The following SLC9A7 variants were observed in gnomAD, a reference collection of about 807,000 sequenced individuals.
SLC9A7 encodes sodium/hydrogen exchanger 7.
In SLC9A7, 19 loss-of-function variants were observed where a neutral mutation model predicts 52.6. The ratio of observed to expected loss-of-function variants is 0.36; its 90% CI spans 0.25 to 0.53. The LOEUF (loss-of-function observed/expected upper bound fraction) is 0.53. Among genes scored for constraint, SLC9A7 ranks in the 20% least tolerant of loss-of-function variants. The pLI, the probability that SLC9A7 is intolerant of heterozygous loss-of-function variation, is 0.91. For missense variants in SLC9A7, 455 were observed against 597.9 expected, an observed-to-expected ratio of 0.76 and a Z score of 2.49; for synonymous variants, 226 against 252.1, an observed-to-expected ratio of 0.90 and a Z score of 0.98.
chrX:46,653,182 G>A (rs1282255681), intron 8 of SLC9A7, among the ~76,000 whole-genome samples: 1 of 111,318 alleles, frequency 9.0e-6, no homozygotes, highest in Non-Finnish European at 1.9e-5. Context: ...TTCACTTAAG[G>A]TCAGGAGTTT....
At chrX:46,640,522 G>A (rs2146750147) in intron 12 of SLC9A7, among the ~76,000 whole-genome samples, 1 of 111,358 alleles carries the variant, frequency 9.0e-6, no homozygotes, top group East Asian at 2.8e-4. Context: ...CCAAATGCAT[G>A]ACCCATAAAA....
At position 46,745,475 on chromosome X, in the gene SLC9A7, T is replaced by TGGC. The variant is rs1274855763; in HGVS notation, c.325+13229_325+13230insGCC. On this transcript the variant is annotated intron_variant, in intron 1 of 16. Coordinates refer to ENST00000616978, the MANE Select transcript of SLC9A7 (RefSeq NM_001257291.2). ...GTATGGGCCATTCAAAGGAAAAAAA[T>TGGC]TGATAGAAACTATCCCTGAGGAGGC... Among the ~76,000 whole-genome samples the TGGC allele has an allele frequency of 2.9e-4, 32 of 111,885 alleles. No homozygotes were observed. The South Asian group carries it at 0.012, about 41-fold the overall frequency.
intron 5 of SLC9A7, among the ~76,000 whole-genome samples, chrX:46,665,447 G>T (rs1306580917): frequency 9.3e-6 from 1 of 108,072 alleles, no homozygotes; most frequent in Non-Finnish European, 1.9e-5. Context: ...AACTCAAAGA[G>T]CTGAGGGAGC....
intron 11 of SLC9A7, among the ~76,000 whole-genome samples, chrX:46,648,224 A>G (rs1026083044): frequency 2.7e-5 from 3 of 112,210 alleles, no homozygotes; most frequent in Non-Finnish European, 3.8e-5. Flanking sequence ...ACAGAAAGTT[A>G]GAGCTGGGGG....
intron 1 of SLC9A7, among the ~76,000 whole-genome samples, chrX:46,697,736 G>T (rs1341491594): frequency 8.9e-6 from 1 of 112,085 alleles, no homozygotes; most frequent in Non-Finnish European, 1.9e-5. Flanking sequence ...AAAAGAACAG[G>T]ATAACAGCAA....
Position 46,758,699 on chromosome X carries a change from G to A in SLC9A7, c.325+6C>T. The A allele has an allele frequency of 3.5e-6, 4 of 1,139,425 alleles. No individual in the cohort carries two copies. Among genetic ancestry groups the A allele is most frequent in the Non-Finnish European group, 4.7e-6 (4 of 853,306 alleles). The allele number at this position is 1,139,425 out of a possible 1,213,427, so 93.9% of individuals were successfully genotyped here. ...GGAGGGCGGGGGGTGTAACAGGGGT[G>A]CTCACCATAGATCATGGCCAGCCCG... is the stretch of plus-strand genomic sequence containing the variant. On this transcript the variant is annotated splice_donor_region_variant and intron_variant, in intron 1 of 16. Coordinates refer to ENST00000616978, the MANE Select transcript of SLC9A7 (RefSeq NM_001257291.2).
At chrX:46,608,925 C>T (rs989842248) in intron 16 of SLC9A7, among the ~76,000 whole-genome samples, 3 of 111,422 alleles carry the variant, frequency 2.7e-5, no homozygotes, top group Non-Finnish European at 5.7e-5. Context: ...GCATTACAGG[C>T]GTGAGTCACC....
chrX:46,725,754 T>C (rs879225261), intron 1 of SLC9A7: 3 of 1,003,361 alleles, frequency 3.0e-6, no homozygotes, highest in East Asian at 3.1e-5. Flanking sequence ...GTCCACCATG[T>C]CAATGCAGTC....
In SLC9A7 at chrX:46,679,690, G is replaced by T; in HGVS notation, c.591C>A (p.Tyr197Ter). 3 of 1,192,247 alleles carry T rather than the reference G, an allele frequency of 2.5e-6. No homozygotes were observed. The highest frequency in any genetic ancestry group is 3.4e-6 in the Non-Finnish European group (3 of 880,590). The change falls in exon 3 of 17, where the codon TAC (tyrosine) becomes TAA (stop). Residue 197 changes from tyrosine (Y) to a stop codon, truncating the protein, a stop_gained. Transcript: ENST00000616978. LOFTEE classifies it high-confidence loss of function. ...LLPPIIFHAGYSLKKRHFFRN... is the reference protein window; with the variant it reads ...LLPPIIFHAG ...AAAAACATCTTACCTTCTTTAAGCTGTATCCAGCATGAAAAATAATTGGAG... is the reference window on the plus strand; with the variant it reads ...AAAAACATCTTACCTTCTTTAAGCTTTATCCAGCATGAAAAATAATTGGAG...
chrX:46,716,490 T>A (rs1334472071), intron 1 of SLC9A7, among the ~76,000 whole-genome samples: 1 of 111,578 alleles, frequency 9.0e-6, no homozygotes, highest in African/African-American at 3.3e-5. Flanking sequence ...ACAGCACAAA[T>A]GCTGCAACAG....
intron 11 of SLC9A7, among the ~76,000 whole-genome samples, chrX:46,648,206 T>C (rs1943523941): frequency 8.9e-6 from 1 of 112,146 alleles, no homozygotes; most frequent in Admixed American, 9.4e-5. Context: ...TTTTATTTCT[T>C]TTGCTCCACA....
chrX:46,711,045 G>C (rs1269185392), intron 1 of SLC9A7, among the ~76,000 whole-genome samples: 1 of 112,984 alleles, frequency 8.9e-6, no homozygotes, highest in Non-Finnish European at 1.9e-5. Flanking sequence ...GGCTGCTGAC[G>C]ATTTCAGCTT....
chrX:46,667,313 C>T (rs750676475), intron 5 of SLC9A7, among the ~76,000 whole-genome samples: 2 of 110,656 alleles, frequency 1.8e-5, no homozygotes, highest in Non-Finnish European at 3.8e-5. Context: ...CAGAGTGCCT[C>T]GACAGCCAAG....
chrX:46,626,305 C>A (rs1475425878), intron 14 of SLC9A7, among the ~76,000 whole-genome samples: 1 of 111,936 alleles, frequency 8.9e-6, no homozygotes, highest in African/African-American at 3.3e-5. Flanking sequence ...CATGGAGTCT[C>A]GCTGTGTCAC....
At chrX:46,708,907 A>T (rs755840516) in intron 1 of SLC9A7, among the ~76,000 whole-genome samples, 1 of 111,893 alleles carries the variant, frequency 8.9e-6, no homozygotes, top group Non-Finnish European at 1.9e-5. Context: ...CTCTGGGAAC[A>T]TAAGAGTCAA....
At chrX:46,679,595 G>T in intron 3 of SLC9A7, 83 bp downstream of exon 3, 1 of 737,686 alleles carries the variant, frequency 1.4e-6, no homozygotes, top group Non-Finnish European at 2.0e-6. Context: ...CAATCTGGGA[G>T]AAGAAAAATA....
At chrX:46,723,839 G>A (rs991752925) in intron 1 of SLC9A7, among the ~76,000 whole-genome samples, 1 of 112,147 alleles carries the variant, frequency 8.9e-6, no homozygotes, top group Non-Finnish European at 1.9e-5. Context: ...TGTAATCCCA[G>A]CAATTTGGGA....
intron 1 of SLC9A7, among the ~76,000 whole-genome samples, chrX:46,739,739 C>T (rs1380774235): frequency 2.7e-5 from 3 of 111,717 alleles, no homozygotes; most frequent in Admixed American, 9.5e-5. Context: ...GTCTCTTTTT[C>T]CCCAACTTTG....
chrX:46,674,313 A>T (rs766998798), intron 3 of SLC9A7, among the ~76,000 whole-genome samples: 1 of 112,337 alleles, frequency 8.9e-6, no homozygotes, highest in Non-Finnish European at 1.9e-5. Flanking sequence ...CTAAAATCAC[A>T]CACACACTAT....
Sources: gnomAD v4.1 joint callset for allele counts (sites outside exome capture counted in the v4.1 genomes callset) on GRCh38, gnomAD v4.1.1 for gene constraint, MANE v1.5 for transcripts, NCBI Gene and HGNC (gene_info 2026-07-23, HGNC 2026-07-21) for gene names.